BRINP3: variants seen among roughly 807,000 people sequenced by gnomAD.
BRINP3 encodes BMP/retinoic acid-inducible neural-specific protein 3.
Under a neutral mutation model 71.0 loss-of-function variants are expected in BRINP3, and 19 were observed. That is an observed-to-expected ratio of 0.27 (90% CI 0.19 to 0.39). The LOEUF (loss-of-function observed/expected upper bound fraction) is 0.39. Ranked by LOEUF, BRINP3 falls within the 10% of genes least tolerant of loss-of-function variation. The pLI, the probability that BRINP3 is intolerant of heterozygous loss-of-function variation, is 1.00. For missense variants in BRINP3, 959 were observed against 940.8 expected (o/e 1.02, Z -0.25); for synonymous variants, 380 against 337.7 (o/e 1.13, Z -1.37).
At chr1:190,215,421 T>C (rs1366745358) in intron 6 of BRINP3, among the ~76,000 whole-genome samples, 1 of 151,938 alleles carries the variant, frequency 6.6e-6, no homozygotes, top group Non-Finnish European at 1.5e-5. Flanking sequence ...AAGTAGCATG[T>C]TAGTTAAAAT....
intron 2 of BRINP3, among the ~76,000 whole-genome samples, chr1:190,328,429 C>T (rs1666749192): frequency 6.6e-6 from 1 of 151,908 alleles, no homozygotes; most frequent in Non-Finnish European, 1.5e-5. Flanking sequence ...TTATGAATAC[C>T]TCTACACTCA....
At position 190,422,838 on chromosome 1, in the gene BRINP3, A is replaced by G. The variant is rs79244808; in HGVS notation, c.236+31817T>C. Among the ~76,000 whole-genome samples, 1,106 of 151,954 alleles carry G rather than the reference A, an allele frequency of 7.3e-3. 13 individuals carry two copies. The highest frequency in any genetic ancestry group is 0.026 in the African/African-American group (1,064 of 41,536). On this transcript the variant is annotated intron_variant, in intron 2 of 7. Transcript: ENST00000367462. ...ATGGCTGAATTAAAATAGTTTTTCC[A>G]TATTACAATCTTCTTTTGACATATA...
chr1:190,214,374 G>C (rs1278405334), intron 6 of BRINP3, among the ~76,000 whole-genome samples: 1 of 152,058 alleles, frequency 6.6e-6, no homozygotes, highest in East Asian at 1.9e-4. Flanking sequence ...GCTGGACTCA[G>C]TTATTCATGG....
At chr1:190,392,072 G>A (rs2102309197) in intron 2 of BRINP3, among the ~76,000 whole-genome samples, 1 of 147,922 alleles carries the variant, frequency 6.8e-6, no homozygotes, top group Non-Finnish European at 1.5e-5. Context: ...AAAAAAAAAT[G>A]ATTTAATTGA....
chr1:190,133,325 A>G lies in BRINP3; in HGVS notation c.1184+27343T>C, dbSNP rs192325804. Reference sequence around the variant, plus strand: ...TTATGTGGTTTTAAATGATTAATTTAACAAATATTTACCAAACATCTACTG... The same window carrying G: ...TTATGTGGTTTTAAATGATTAATTTGACAAATATTTACCAAACATCTACTG... On this transcript the variant is annotated intron_variant, in intron 7 of 7. Coordinates refer to ENST00000367462, the MANE Select transcript of BRINP3 (RefSeq NM_199051.3). Among the ~76,000 whole-genome samples, 8 of 152,284 alleles carry G rather than the reference A, an allele frequency of 5.3e-5. No individual in the cohort carries two copies. In the East Asian group the frequency reaches 9.6e-4, roughly 18 times the overall value.
intron 6 of BRINP3, among the ~76,000 whole-genome samples, chr1:190,183,530 T>G (rs989309208): frequency 3.9e-5 from 6 of 152,082 alleles, no homozygotes; most frequent in African/African-American, 2.4e-5. Context: ...GGAACAGAGC[T>G]TCTCATTACA....
chr1:190,159,106 A>C (rs1462962430), intron 7 of BRINP3, among the ~76,000 whole-genome samples: 1 of 152,124 alleles, frequency 6.6e-6, no homozygotes, highest in Non-Finnish European at 1.5e-5. Flanking sequence ...AAGATGTTCA[A>C]AGCACATGAA....
chr1:190,367,879 T>C (rs1465350801), intron 2 of BRINP3, among the ~76,000 whole-genome samples: 1 of 152,148 alleles, frequency 6.6e-6, no homozygotes, highest in East Asian at 1.9e-4. Context: ...CAACAATCTC[T>C]AGGAAGTTCC....
At chr1:190,362,701 A>T (rs952261478) in intron 2 of BRINP3, among the ~76,000 whole-genome samples, 2 of 152,170 alleles carry the variant, frequency 1.3e-5, no homozygotes, top group African/African-American at 4.8e-5. Context: ...TAGTGGGTTA[A>T]GTCTCACAAA....
rs1654237308 is a variant in BRINP3, at chr1:190,128,122, A to G, written c.1185-28988T>C. ...TCCCCAGTAGTCAGTCAACATTTCT[A>G]TCTCATACTTATTCATAATTATGTG... is the stretch of plus-strand genomic sequence containing the variant. On this transcript the variant is annotated intron_variant, in intron 7 of 7. Coordinates refer to ENST00000367462, the MANE Select transcript of BRINP3 (RefSeq NM_199051.3). Among the ~76,000 whole-genome samples the G allele has an allele frequency of 2.0e-5, 3 of 151,856 alleles. No homozygotes were observed. The South Asian group carries it at 6.2e-4, about 31-fold the overall frequency.
At chr1:190,244,782 C>T (rs12061471) in intron 4 of BRINP3, among the ~76,000 whole-genome samples, 2,227 of 152,068 alleles carry the variant, frequency 0.015, 44 homozygotes, top group African/African-American at 0.051. Context: ...TTCTCCTACT[C>T]AATGTAGGAG....
In BRINP3 at chr1:190,409,559, T is replaced by G. The variant is rs1377523311; in HGVS notation, c.236+45096A>C. Among the ~76,000 whole-genome samples, 12 of 152,218 alleles carry G rather than the reference T, an allele frequency of 7.9e-5. No homozygotes were observed. The South Asian group carries it at 2.1e-3, about 26-fold the overall frequency. ...TAAAAGTGATACTGGCATTCTGTTT[T>G]ACAAGCTGATCATTCTTGATGGAGG... On this transcript the variant is annotated intron_variant, in intron 2 of 7. Coordinates refer to ENST00000367462, the MANE Select transcript of BRINP3 (RefSeq NM_199051.3).
At chr1:190,163,514 C>A (rs1374930109) in intron 6 of BRINP3, among the ~76,000 whole-genome samples, 1 of 151,914 alleles carries the variant, frequency 6.6e-6, no homozygotes. Flanking sequence ...TAACCAACTG[C>A]AAAAACAATA....
intron 7 of BRINP3, among the ~76,000 whole-genome samples, chr1:190,151,109 T>C (rs1474449367): frequency 6.6e-6 from 1 of 151,948 alleles, no homozygotes; most frequent in Non-Finnish European, 1.5e-5. Context: ...ATAGTGCCAC[T>C]GCACTCCATC....
intron 2 of BRINP3, among the ~76,000 whole-genome samples, chr1:190,333,092 G>A (rs1449022168): frequency 6.6e-6 from 1 of 151,862 alleles, no homozygotes. Context: ...ATTTTTGGAT[G>A]CTTATAATAT....
intron 2 of BRINP3, among the ~76,000 whole-genome samples, chr1:190,453,952 A>G (rs1160644767): frequency 6.6e-6 from 1 of 152,196 alleles, no homozygotes; most frequent in East Asian, 1.9e-4. Context: ...AGATCAATAT[A>G]ATCTAATCCA....
Position 190,302,372 on chromosome 1 carries a change from A to G in BRINP3, c.237-20622T>C, listed in dbSNP as rs917839845. ...TATCACACTGTGATTTAAAAAGATA[A>G]TGTCTATGACAAATATATCAAAACC... On this transcript the variant is annotated intron_variant, in intron 2 of 7. Transcript: ENST00000367462. Among the ~76,000 whole-genome samples the G allele has an allele frequency of 1.1e-4, 17 of 150,532 alleles. No homozygotes were observed. In the South Asian group the frequency reaches 1.9e-3, roughly 17 times the overall value.
intron 2 of BRINP3, among the ~76,000 whole-genome samples, chr1:190,393,056 A>G (rs1028182028): frequency 1.4e-4 from 21 of 151,592 alleles, no homozygotes; most frequent in African/African-American, 5.1e-4. Flanking sequence ...TAGAACCATT[A>G]TATATTATAA....
chr1:190,117,154 C>A lies in BRINP3; in HGVS notation c.1185-18020G>T, dbSNP rs552115500. Reference sequence around the variant, plus strand: ...AGAGAGAATGTCTCATTGTTATTTACAATCAATTAAGAAGAAGCATCTTGT... The same window carrying A: ...AGAGAGAATGTCTCATTGTTATTTAAAATCAATTAAGAAGAAGCATCTTGT... On this transcript the variant is annotated intron_variant, in intron 7 of 7. Transcript: ENST00000367462. 8.5e-5 allele frequency among the ~76,000 whole-genome samples: 13 copies of A among 152,110 alleles called. No homozygotes were observed. In the South Asian group the frequency reaches 2.5e-3, roughly 29 times the overall value.
Sources: allele counts gnomAD v4.1 joint callset (sites outside exome capture counted in the v4.1 genomes callset), GRCh38; gene constraint gnomAD v4.1.1; transcripts MANE v1.5; gene names NCBI Gene and HGNC (gene_info 2026-07-23, HGNC 2026-07-21).